GLDC: variants seen among roughly 807,000 people sequenced by gnomAD.
The protein encoded by GLDC is glycine dehydrogenase (decarboxylating), mitochondrial.
A neutral mutation model predicts 121.3 loss-of-function variants in GLDC; 104 were observed. The ratio of observed to expected loss-of-function variants is 0.86; its 90% confidence interval spans 0.73 to 1.01. The LOEUF (loss-of-function observed/expected upper bound fraction) is 1.01, where lower values mean the gene tolerates loss of function less well. Ranked by LOEUF, GLDC falls within the 50% of genes least tolerant of loss-of-function variation. GLDC has a pLI of 0.00. For synonymous variants in GLDC, 546 were observed against 480.6 expected, an observed-to-expected ratio of 1.14 and a Z score of -1.78; for missense variants, 1,429 against 1,306.6, an observed-to-expected ratio of 1.09 and a Z score of -1.44.
chr9:6,622,405 C>G (rs1316050112), intron 2 of GLDC, among the ~76,000 whole-genome samples: 3 of 149,600 alleles, frequency 2.0e-5, no homozygotes, highest in Non-Finnish European at 3.0e-5. Flanking sequence ...CCACGCCTGA[C>G]TGGTTTTCGT....
At chr9:6,604,470 T>A in intron 7 of GLDC, 118 bp downstream of exon 7, 3 of 919,680 alleles carry the variant, frequency 3.3e-6, no homozygotes, top group Admixed American at 1.8e-5. Flanking sequence ...ATGTTGTACA[T>A]TTCCTTAACT....
intron 3 of GLDC, among the ~76,000 whole-genome samples, chr9:6,612,531 G>A (rs895369381): frequency 2.6e-5 from 4 of 152,020 alleles, no homozygotes; most frequent in Admixed American, 6.6e-5. Context: ...CCTGGAATTC[G>A]AGACTAGCCT....
chr9:6,532,875 T>G lies in GLDC; in HGVS notation c.*142A>C. The G allele has an allele frequency of 1.3e-6, 1 of 749,936 alleles. No individual in the cohort carries two copies. The highest frequency in any genetic ancestry group is 2.4e-6 in the Non-Finnish European group (1 of 413,354). 46.5% of individuals were successfully genotyped at this position (749,936 alleles called of 1,614,324 possible). On this transcript the variant is annotated 3_prime_UTR_variant, in exon 25 of 25. Coordinates refer to ENST00000321612, the MANE Select transcript of GLDC (RefSeq NM_000170.3). Reference sequence around the variant, plus strand: ...ACTCCCTCCAGCTACTGTATTTACATTTACCTTGACAGAGATTACAGAGAT... The same window carrying G: ...ACTCCCTCCAGCTACTGTATTTACAGTTACCTTGACAGAGATTACAGAGAT...
intron 2 of GLDC, among the ~76,000 whole-genome samples, chr9:6,627,021 C>T (rs1208577528): frequency 6.6e-6 from 1 of 152,064 alleles, no homozygotes; most frequent in African/African-American, 2.4e-5. Context: ...GTGGGCCGGG[C>T]GTGGTGGCTC....
intron 3 of GLDC, among the ~76,000 whole-genome samples, chr9:6,612,199 A>C (rs1818871495): frequency 6.6e-6 from 1 of 151,114 alleles, no homozygotes. Flanking sequence ...ACTCTCTCAC[A>C]CACACACACA....
intron 3 of GLDC, among the ~76,000 whole-genome samples, chr9:6,612,358 T>A (rs538268838): frequency 6.6e-6 from 1 of 151,774 alleles, no homozygotes; most frequent in South Asian, 2.1e-4. Flanking sequence ...AAAGGCAACC[T>A]CCCCACCACA....
intron 15 of GLDC, among the ~76,000 whole-genome samples, chr9:6,572,246 G>A (rs561285959): frequency 6.6e-6 from 1 of 152,228 alleles, no homozygotes; most frequent in Admixed American, 6.5e-5. Flanking sequence ...CAGAACGGGA[G>A]AAAGTATCTG....
At position 6,597,976 on chromosome 9, in the gene GLDC, G is replaced by A. The variant is rs189757728; in HGVS notation, c.1156-2857C>T. On this transcript the variant is annotated intron_variant, in intron 8 of 24. Transcript: ENST00000321612. ...GAGAATATAAAGAACAGAACATAAT[G>A]AAAATTCAGACATCTGTAGTAATGC... Among the ~76,000 whole-genome samples the A allele has an allele frequency of 3.9e-5, 6 of 152,176 alleles. No individual in the cohort carries two copies. The East Asian group carries it at 1.2e-3, about 29-fold the overall frequency.
At chr9:6,602,277 T>C in intron 7 of GLDC, 72 bp from the exon 8 acceptor site, 1 of 938,202 alleles carries the variant, frequency 1.1e-6, no homozygotes, top group Non-Finnish European at 1.7e-6. Flanking sequence ...ATAGAATTAC[T>C]TCTTTCCTTC....
At chr9:6,610,500 G>A (rs1818830030) in intron 3 of GLDC, 144 bp from the exon 4 acceptor site, 6 of 763,584 alleles carry the variant, frequency 7.9e-6, no homozygotes, top group Non-Finnish European at 1.4e-5. Flanking sequence ...CTTCTTTTTG[G>A]CCTTTGTAAA....
intron 16 of GLDC, among the ~76,000 whole-genome samples, chr9:6,564,114 G>A (rs752968046): frequency 6.6e-6 from 1 of 152,096 alleles, no homozygotes; most frequent in Non-Finnish European, 1.5e-5. Context: ...CGGGCGTGGT[G>A]GCGCATGCCT....
At chr9:6,633,737 A>G (rs555178951) in intron 2 of GLDC, among the ~76,000 whole-genome samples, 1 of 151,078 alleles carries the variant, frequency 6.6e-6, no homozygotes, top group Admixed American at 6.6e-5. Context: ...CCTGGCCAAC[A>G]CAGCAAAACT....
intron 18 of GLDC, chr9:6,555,051 G>C: frequency 1.9e-6 from 1 of 514,376 alleles, no homozygotes; most frequent in Non-Finnish European, 3.5e-6. Context: ...TGAATACACA[G>C]TCTCTTCCTA....
intron 2 of GLDC, chr9:6,639,501 G>T: frequency 1.2e-6 from 1 of 847,632 alleles, no homozygotes; most frequent in Non-Finnish European, 2.0e-6. Flanking sequence ...TGACAATGAT[G>T]TGGCCAAGGG....
At chr9:6,606,363 A>T (rs1242026097) in intron 5 of GLDC, among the ~76,000 whole-genome samples, 1 of 152,010 alleles carries the variant, frequency 6.6e-6, no homozygotes, top group Non-Finnish European at 1.5e-5. Flanking sequence ...ACTTACTATA[A>T]AGCAATGGCA....
intron 20 of GLDC, among the ~76,000 whole-genome samples, chr9:6,552,532 G>A (rs1269289410): frequency 2.0e-5 from 3 of 152,252 alleles, no homozygotes; most frequent in South Asian, 2.1e-4. Context: ...GAAACTTTTC[G>A]TGAAGAATCA....
At chr9:6,562,635 C>T (rs1215808231) in intron 16 of GLDC, among the ~76,000 whole-genome samples, 1 of 152,204 alleles carries the variant, frequency 6.6e-6, no homozygotes, top group Non-Finnish European at 1.5e-5. Flanking sequence ...TCTCAGCTCA[C>T]TGCAACCTCT....
intron 20 of GLDC, among the ~76,000 whole-genome samples, chr9:6,551,958 G>A (rs912796762): frequency 2.6e-5 from 4 of 152,196 alleles, no homozygotes; most frequent in East Asian, 1.9e-4. Context: ...AACCCTACAT[G>A]TGCTCAGTTT....
chr9:6,634,480 G>A (rs1355310275), intron 2 of GLDC, among the ~76,000 whole-genome samples: 1 of 151,912 alleles, frequency 6.6e-6, no homozygotes, highest in African/African-American at 2.4e-5. Context: ...AGTGAACTGA[G>A]ATCGCACCAC....
Sources: gnomAD v4.1 joint callset for allele counts (sites outside exome capture counted in the v4.1 genomes callset) on GRCh38, gnomAD v4.1.1 for gene constraint, MANE v1.5 for transcripts, NCBI Gene and HGNC (gene_info 2026-07-23, HGNC 2026-07-21) for gene names.